CCDC63: variants seen among roughly 807,000 people sequenced by gnomAD.
The protein encoded by CCDC63 is coiled-coil domain-containing protein 63.
CCDC63 carries 54 observed loss-of-function variants against 63.6 expected under a neutral mutation model. The ratio of observed to expected loss-of-function variants is 0.85; its 90% CI spans 0.68 to 1.07. The LOEUF (loss-of-function observed/expected upper bound fraction) is 1.07. Ranked by LOEUF, CCDC63 falls within the 50% of genes least tolerant of loss-of-function variation. The probability of loss-of-function intolerance (pLI) is 0.00; values close to 1 mark genes in which losing one functional copy is unlikely to be tolerated. For synonymous variants in CCDC63, 253 were observed against 266.1 expected, an observed-to-expected ratio of 0.95 and a Z score of 0.48; for missense variants, 637 against 689.6, an observed-to-expected ratio of 0.92 and a Z score of 0.86.
chr12:110,903,421 C>G (rs990021943), intron 10 of CCDC63, among the ~76,000 whole-genome samples: 1 of 152,210 alleles, frequency 6.6e-6, no homozygotes, highest in Non-Finnish European at 1.5e-5. Context: ...TAATGAACAT[C>G]GGGATGGCCA....
At position 110,879,789 on chromosome 12, in the gene CCDC63, T is replaced by G. The variant is rs1311862994; in HGVS notation, c.490-117T>G. The stretch of plus-strand genomic sequence containing the variant: ...TCTTGCCTACTGCTCCAACCACTCC[T>G]CCATGGCCCTTGCGTATGAGGTGGG... On this transcript the variant is annotated intron_variant, in intron 5 of 11. Coordinates refer to ENST00000308208, the MANE Select transcript of CCDC63 (RefSeq NM_152591.3). 8.3e-6 allele frequency: 8 copies of G among 963,572 alleles called. No individual in the cohort carries two copies. In the East Asian group the frequency reaches 1.2e-4, roughly 14 times the overall value. The allele number at this position is 963,572 out of a possible 1,614,324, so 59.7% of individuals were successfully genotyped here. A position where few individuals can be genotyped will look rare whatever the true frequency, so the allele number is the denominator to read the frequency against.
chr12:110,906,042 A>T lies in CCDC63; in HGVS notation c.1546+1251A>T, dbSNP rs867582388. On this transcript the variant is annotated intron_variant, in intron 11 of 11. Transcript: ENST00000308208. ...ATATATTATATATTATAATAATATA[A>T]TATATAATATATATATAATATATAT... Among the ~76,000 whole-genome samples, 117 of 53,202 alleles carry T rather than the reference A, an allele frequency of 2.2e-3. 1 individual carries two copies. Among genetic ancestry groups the T allele is most frequent in the African/African-American group, 8.9e-3 (113 of 12,636 alleles). 34.9% of individuals were successfully genotyped at this position (53,202 alleles called of 152,430 possible).
intron 6 of CCDC63, among the ~76,000 whole-genome samples, chr12:110,880,895 AATG>A (rs2071198293): frequency 1.1e-5 from 1 of 88,710 alleles, no homozygotes; most frequent in Middle Eastern, 6.4e-3. Flanking sequence ...TGCTGAAGGC[AATG>A]ATGATGATAA....
At chr12:110,845,421 G>C (rs1350642634), upstream of CCDC63, among the ~76,000 whole-genome samples, 1 of 152,134 alleles carries the variant, frequency 6.6e-6, no homozygotes, top group African/African-American at 2.4e-5. Flanking sequence ...TCAAATCCTG[G>C]CTGCTCCACT....
chr12:110,854,878 A>C (rs572433678), intron 3 of CCDC63, among the ~76,000 whole-genome samples: 1 of 152,180 alleles, frequency 6.6e-6, no homozygotes, highest in Non-Finnish European at 1.5e-5. Context: ...GGCTCACTGC[A>C]ACCTCTGCCT....
chr12:110,846,977 G>A (rs2136630885), upstream of CCDC63: 1 of 152,314 alleles, frequency 6.6e-6, no homozygotes, highest in South Asian at 2.1e-4. Flanking sequence ...CCGGGCGTGG[G>A]GCTGGGGGTG....
chr12:110,848,433 T>A (rs1216225512), intron 1 of CCDC63, among the ~76,000 whole-genome samples: 2 of 152,130 alleles, frequency 1.3e-5, no homozygotes, highest in Non-Finnish European at 2.9e-5. Context: ...CAGAGGGCAC[T>A]GATCGAAAGG....
At chr12:110,863,801 A>G (rs2070898329) in intron 4 of CCDC63, among the ~76,000 whole-genome samples, 1 of 152,188 alleles carries the variant, frequency 6.6e-6, no homozygotes, top group Non-Finnish European at 1.5e-5. Context: ...TCAGCCTCCT[A>G]AAGTGCAGGG....
intron 1 of CCDC63, among the ~76,000 whole-genome samples, chr12:110,849,933 C>A (rs544945214): frequency 2.4e-4 from 36 of 152,278 alleles, no homozygotes; most frequent in Non-Finnish European, 5.9e-5. Flanking sequence ...TAGCAGGAAA[C>A]AATCATGAGT....
intron 8 of CCDC63, among the ~76,000 whole-genome samples, chr12:110,886,772 G>T (rs142726869): frequency 2.0e-5 from 3 of 152,132 alleles, no homozygotes; most frequent in African/African-American, 7.2e-5. Context: ...TGTGGGGTGG[G>T]AGGTGCACCC....
Position 110,889,440 on chromosome 12 carries a change from G to T in CCDC63, c.1075-3636G>T, listed in dbSNP as rs1406969592. Among the ~76,000 whole-genome samples the T allele has an allele frequency of 6.6e-6, 1 of 152,190 alleles. No homozygotes were observed. Among genetic ancestry groups the T allele is most frequent in the Non-Finnish European group, 1.5e-5 (1 of 68,026 alleles). Reference sequence around the variant, plus strand: ...GCCGGTTGGGGCCCCGGGCAGTTGAGAAGTTAAGATCTGAGTGAACTTACA... The same window carrying T: ...GCCGGTTGGGGCCCCGGGCAGTTGATAAGTTAAGATCTGAGTGAACTTACA... On this transcript the variant is annotated intron_variant, in intron 8 of 11. Coordinates refer to ENST00000308208, the MANE Select transcript of CCDC63 (RefSeq NM_152591.3). This position sits in a 1 kb window ranked among gnomAD's most constrained non-coding sequence, Gnocchi z 4.1.
At chr12:110,873,214 C>T (rs542349463) in intron 4 of CCDC63, among the ~76,000 whole-genome samples, 2 of 152,080 alleles carry the variant, frequency 1.3e-5, no homozygotes, top group East Asian at 1.9e-4. Flanking sequence ...CCAGCCTGGG[C>T]GACAGAGTGA....
chr12:110,866,733 C>G (rs1240198668), intron 4 of CCDC63, among the ~76,000 whole-genome samples: 8 of 145,364 alleles, frequency 5.5e-5, no homozygotes, highest in African/African-American at 1.8e-4. Flanking sequence ...TACACAGACA[C>G]GGCAACCATC....
chr12:110,893,666 C>T (rs1349247126), intron 9 of CCDC63, among the ~76,000 whole-genome samples: 1 of 152,148 alleles, frequency 6.6e-6, no homozygotes, highest in Non-Finnish European at 1.5e-5. Context: ...CTAAGGTTCA[C>T]GGAAGTTAAG....
At chr12:110,902,275 G>A (rs923234079) in intron 10 of CCDC63, among the ~76,000 whole-genome samples, 4 of 152,180 alleles carry the variant, frequency 2.6e-5, no homozygotes, top group African/African-American at 9.7e-5. Flanking sequence ...ACCCTGCTGT[G>A]TTGACTTTTT....
At chr12:110,896,641 C>T (rs1419837085) in intron 9 of CCDC63, among the ~76,000 whole-genome samples, 2 of 152,168 alleles carry the variant, frequency 1.3e-5, no homozygotes, top group East Asian at 1.9e-4. Flanking sequence ...AGGAAATACC[C>T]TAGAACAGTG....
chr12:110,870,508 G>A (rs2071050599), intron 4 of CCDC63, among the ~76,000 whole-genome samples: 1 of 152,176 alleles, frequency 6.6e-6, no homozygotes, highest in Non-Finnish European at 1.5e-5. Flanking sequence ...GACATAGGTG[G>A]CCTCAGTGTT....
chr12:110,859,646 AGTC>A (rs1300607094), intron 4 of CCDC63, among the ~76,000 whole-genome samples: 3 of 151,904 alleles, frequency 2.0e-5, no homozygotes, highest in Non-Finnish European at 4.4e-5. Context: ...GGCTCAAAAT[AGTC>A]GTGTTTTCTG....
chr12:110,846,361 TTAAACCAC>T (rs2070637027), upstream of CCDC63, among the ~76,000 whole-genome samples: 2 of 152,142 alleles, frequency 1.3e-5, no homozygotes, highest in African/African-American at 4.8e-5. Flanking sequence ...ATGTGTATCT[TTAAACCAC>T]TAAACTCCGT....
Sources: gnomAD v4.1 joint callset for allele counts (sites outside exome capture counted in the v4.1 genomes callset) on GRCh38, gnomAD v4.1.1 for gene constraint, Gnocchi (gnomAD v3.1) non-coding constraint, MANE v1.5 for transcripts, NCBI Gene and HGNC (gene_info 2026-07-23, HGNC 2026-07-21) for gene names.